CTTNBP2: variants seen among roughly 807,000 people sequenced by gnomAD.
CTTNBP2 encodes the protein cortactin-binding protein 2.
CTTNBP2 carries 108 observed loss-of-function variants against 156.9 expected under a neutral mutation model. That is an observed-to-expected ratio of 0.69 (90% CI 0.59 to 0.81). CTTNBP2 has a LOEUF of 0.81. CTTNBP2 is among the 30% of genes least tolerant of loss of function. The pLI is 0.00. For synonymous variants in CTTNBP2, 767 were observed against 751.8 expected (o/e 1.02, Z -0.33); for missense variants, 1,924 against 2,035.4 (o/e 0.95, Z 1.05).
intron 3 of CTTNBP2, among the ~76,000 whole-genome samples, chr7:117,800,010 A>G (rs1417685427): frequency 6.6e-6 from 1 of 152,068 alleles, no homozygotes; most frequent in East Asian, 1.9e-4. Context: ...ATCTAAATAA[A>G]TGGAGAAATG....
intron 3 of CTTNBP2, among the ~76,000 whole-genome samples, chr7:117,807,073 C>G (rs1302291808): frequency 6.6e-6 from 1 of 152,140 alleles, no homozygotes; most frequent in East Asian, 1.9e-4. Flanking sequence ...TTTCTATCTA[C>G]ATGGATCAGG....
At chr7:117,820,595 T>C (rs545971307) in intron 2 of CTTNBP2, among the ~76,000 whole-genome samples, 1 of 152,292 alleles carries the variant, frequency 6.6e-6, no homozygotes, top group South Asian at 2.1e-4. Flanking sequence ...TTTCCACATA[T>C]AGATTCAATT....
chr7:117,860,823 G>T (rs1803677743), intron 2 of CTTNBP2, among the ~76,000 whole-genome samples: 1 of 152,094 alleles, frequency 6.6e-6, no homozygotes, highest in Non-Finnish European at 1.5e-5. Context: ...TCTATTACCA[G>T]CAATATTTTT....
intron 12 of CTTNBP2, among the ~76,000 whole-genome samples, chr7:117,753,074 CA>C (rs1381158132): frequency 6.6e-6 from 1 of 152,118 alleles, no homozygotes; most frequent in Non-Finnish European, 1.5e-5. Flanking sequence ...AGAAAACAAA[CA>C]AACCCATTAA....
chr7:117,737,275 A>G (rs189390738), intron 14 of CTTNBP2, among the ~76,000 whole-genome samples: 187 of 152,340 alleles, frequency 1.2e-3, no homozygotes, highest in African/African-American at 4.5e-3. Flanking sequence ...GAAAACAACA[A>G]TGGAAAACTA....
intron 4 of CTTNBP2, among the ~76,000 whole-genome samples, chr7:117,788,796 G>A (rs532560773): frequency 1.3e-5 from 2 of 152,248 alleles, no homozygotes; most frequent in East Asian, 1.9e-4. Context: ...ATGACTCAAG[G>A]CCTCCAGTGC....
intron 16 of CTTNBP2, among the ~76,000 whole-genome samples, chr7:117,734,574 C>T (rs1271851905): frequency 1.3e-5 from 2 of 152,170 alleles, no homozygotes; most frequent in Non-Finnish European, 2.9e-5. Context: ...AAAATGTGCT[C>T]ACAAGGGTGT....
intron 4 of CTTNBP2, among the ~76,000 whole-genome samples, chr7:117,786,682 A>G (rs1455515035): frequency 6.6e-6 from 1 of 152,150 alleles, no homozygotes; most frequent in Non-Finnish European, 1.5e-5. Context: ...TATGAATACC[A>G]ATATATGTAA....
intron 7 of CTTNBP2, among the ~76,000 whole-genome samples, chr7:117,778,505 G>T (rs1445636588): frequency 6.6e-6 from 1 of 152,178 alleles, no homozygotes; most frequent in Non-Finnish European, 1.5e-5. Flanking sequence ...TGATTCTCAG[G>T]TGTGGTCCCC....
intron 11 of CTTNBP2, among the ~76,000 whole-genome samples, chr7:117,757,325 C>T (rs2116628740): frequency 6.6e-6 from 1 of 152,050 alleles, no homozygotes; most frequent in East Asian, 1.9e-4. Context: ...TGACCTTAGG[C>T]AAGAATATCA....
At chr7:117,817,361 A>AAAAAAAT (rs1554437688) in intron 2 of CTTNBP2, among the ~76,000 whole-genome samples, 19 of 53,296 alleles carry the variant, frequency 3.6e-4, no homozygotes, top group Non-Finnish European at 6.1e-4. Flanking sequence ...AAAAAAAAAA[A>AAAAAAAT]ATATATATAT....
intron 2 of CTTNBP2, among the ~76,000 whole-genome samples, chr7:117,832,737 CTTT>C (rs927988376): frequency 8.8e-6 from 1 of 112,996 alleles, no homozygotes; most frequent in African/African-American, 4.0e-5. Context: ...ATTCATCAAC[CTTT>C]TTTTTTTTTT....
At position 117,718,017 on chromosome 7, in the gene CTTNBP2, C is replaced by T. The variant is rs371855393; in HGVS notation, c.4746+1G>A. 8 of 1,587,470 alleles carry T rather than the reference C, an allele frequency of 5.0e-6. No homozygotes were observed. The African/African-American group carries it at 1.1e-4, about 21-fold the overall frequency. ...CACTTTGGGGAGAAAGGGACACTTA[C>T]CTTTTGTGACACTGGCATTCTCAGA... On this transcript the variant is annotated splice_donor_variant, in intron 22 of 22. Coordinates refer to ENST00000160373, the MANE Select transcript of CTTNBP2 (RefSeq NM_033427.3). LOFTEE classifies it high-confidence loss of function.
chr7:117,791,437 T>A lies in CTTNBP2; in HGVS notation c.1759A>T (p.Thr587Ser), dbSNP rs201548949. ...AKVDNKTVAS[T>S]PSSLPQGNRV... ...TTCCCTTGTGGCAAACTGGAAGGAG[T>A]CGAAGCCACAGTTTTGTTATCAACT... Residue 587 changes from threonine (T) to serine (S), a missense_variant, in exon 4 of 23, where the codon ACT becomes TCT. Transcript: ENST00000160373. The A allele has an allele frequency of 2.5e-6, 4 of 1,613,466 alleles. No individual in the cohort carries two copies. The East Asian group carries it at 8.9e-5, about 36-fold the overall frequency.
chr7:117,828,373 T>G (rs527871407), intron 2 of CTTNBP2, among the ~76,000 whole-genome samples: 1 of 152,156 alleles, frequency 6.6e-6, no homozygotes, highest in African/African-American at 2.4e-5. Context: ...GTGCAAACTG[T>G]GGGTAGGGCA....
intron 12 of CTTNBP2, among the ~76,000 whole-genome samples, chr7:117,754,577 G>T (rs528294839): frequency 1.4e-4 from 22 of 152,166 alleles, no homozygotes; most frequent in Non-Finnish European, 2.5e-4. Flanking sequence ...CTCTTAAGGG[G>T]ATTATAATTG....
At chr7:117,742,503 A>G (rs1297994053) in intron 14 of CTTNBP2, among the ~76,000 whole-genome samples, 1 of 152,202 alleles carries the variant, frequency 6.6e-6, no homozygotes, top group Non-Finnish European at 1.5e-5. Context: ...GGGGAGGGGC[A>G]GAAATCACAG....
chr7:117,811,441 T>C (rs1443184299), intron 2 of CTTNBP2, among the ~76,000 whole-genome samples: 3 of 151,974 alleles, frequency 2.0e-5, no homozygotes, highest in South Asian at 2.1e-4. Context: ...GCTGGAACTA[T>C]AGGTGCATGC....
chr7:117,811,506 T>C (rs185482135), intron 2 of CTTNBP2, among the ~76,000 whole-genome samples: 77 of 152,300 alleles, frequency 5.1e-4, no homozygotes, highest in Non-Finnish European at 8.1e-4. Flanking sequence ...TCTCACTTTG[T>C]TGTCCAGGCT....
Sources: allele counts gnomAD v4.1 joint callset (sites outside exome capture counted in the v4.1 genomes callset), GRCh38; gene constraint gnomAD v4.1.1; transcripts MANE v1.5; gene names NCBI Gene and HGNC (gene_info 2026-07-23, HGNC 2026-07-21).